Variants in RPS6KA2 observed in about 807,000 individuals in gnomAD.
The protein encoded by RPS6KA2 is ribosomal protein S6 kinase A2, also known as ribosomal protein S6 kinase alpha-2.
RPS6KA2 carries 42 observed loss-of-function variants against 91.8 expected under a neutral mutation model. The observed-to-expected ratio is 0.46, with a 90% CI of 0.36 to 0.59. RPS6KA2 has a LOEUF of 0.59. Among genes scored for constraint, RPS6KA2 ranks in the 20% least tolerant of loss-of-function variants. The pLI is 0.00. For missense variants in RPS6KA2, 798 were observed against 978.5 expected, an observed-to-expected ratio of 0.82 and a Z score of 2.46; for synonymous variants, 414 against 393.6, an observed-to-expected ratio of 1.05 and a Z score of -0.61.
At chr6:166,610,480 C>G (rs772738383) in intron 1 of RPS6KA2, among the ~76,000 whole-genome samples, 2 of 152,220 alleles carry the variant, frequency 1.3e-5, no homozygotes, top group Non-Finnish European at 2.9e-5. Context: ...ACCTATGCAA[C>G]TGGGTTACAC....
chr6:166,754,034 C>G (rs1403690367), intron 2 of RPS6KA2, among the ~76,000 whole-genome samples: 1 of 152,180 alleles, frequency 6.6e-6, no homozygotes, highest in Non-Finnish European at 1.5e-5. Context: ...GCCCCGAGCC[C>G]CAGCCACACA....
chr6:166,725,710 G>A (rs1790316564), intron 2 of RPS6KA2, among the ~76,000 whole-genome samples: 1 of 152,270 alleles, frequency 6.6e-6, no homozygotes, highest in Non-Finnish European at 1.5e-5. Flanking sequence ...TTCAGATGCT[G>A]GGGACGAGAG....
intron 2 of RPS6KA2, among the ~76,000 whole-genome samples, chr6:166,798,177 A>T (rs948714630): frequency 6.6e-6 from 1 of 152,202 alleles, no homozygotes; most frequent in African/African-American, 2.4e-5. Context: ...TAGCTATTGA[A>T]CAATGGAATT....
At chr6:166,658,002 G>T (rs1414311631) in intron 2 of RPS6KA2, among the ~76,000 whole-genome samples, 1 of 152,184 alleles carries the variant, frequency 6.6e-6, no homozygotes, top group Non-Finnish European at 1.5e-5. Context: ...TCATGGCTCA[G>T]CCTCCCAAGT....
chr6:166,758,302 G>T (rs530130035), intron 2 of RPS6KA2, among the ~76,000 whole-genome samples: 1 of 152,216 alleles, frequency 6.6e-6, no homozygotes, highest in Non-Finnish European at 1.5e-5. Flanking sequence ...ACACAGGCAC[G>T]TGCACATGCA....
rs529490748 is a variant in RPS6KA2 at position 166,495,900 on chromosome 6, A to G, written c.747+2608T>C. Among the ~76,000 whole-genome samples, 2 of 152,086 alleles carry G rather than the reference A, an allele frequency of 1.3e-5. No homozygotes were observed. The highest frequency in any genetic ancestry group is 2.9e-5 in the Non-Finnish European group (2 of 68,024). On this transcript the variant is annotated intron_variant, in intron 8 of 20. Transcript: ENST00000265678. This position sits in a 1 kb window ranked among gnomAD's most constrained non-coding sequence, Gnocchi z 4.4. The stretch of plus-strand genomic sequence containing the variant: ...CTGATGGTGGAAGGGGACCGGGGGG[A>G]GTTTGCTGGAGCAAGGCGAGCCCGA...
intron 2 of RPS6KA2, among the ~76,000 whole-genome samples, chr6:166,640,166 G>A (rs1421289049): frequency 6.6e-6 from 1 of 151,806 alleles, no homozygotes; most frequent in Non-Finnish European, 1.5e-5. Context: ...GAGTCAGCAG[G>A]AAAGAGGAAA....
chr6:166,846,986 A>T lies in RPS6KA2; in HGVS notation c.123+11214T>A, dbSNP rs191099995. Among the ~76,000 whole-genome samples the T allele has an allele frequency of 1.5e-3, 230 of 152,278 alleles. 10 individuals are homozygous for T. Among genetic ancestry groups the T allele is most frequent in the Admixed American group, 1.5e-3 (23 of 15,308 alleles). ...CTAGTAAAGAGGAAGTCAAACTGTC[A>T]CTGTTTGCTGACAATACCTAAAAAA... is the stretch of plus-strand genomic sequence containing the variant. On this transcript the variant is annotated intron_variant, in intron 2 of 21. Coordinates refer to the RPS6KA2 transcript ENST00000503859.
intron 8 of RPS6KA2, among the ~76,000 whole-genome samples, chr6:166,491,968 T>C (rs3817780): frequency 0.28 from 42,745 of 152,010 alleles, 6,657 homozygotes; most frequent in East Asian, 0.55. Context: ...GTATAGTGAG[T>C]GTATTTGTTG....
intron 2 of RPS6KA2, among the ~76,000 whole-genome samples, chr6:166,840,998 G>A (rs144647188): frequency 1.5e-3 from 233 of 151,944 alleles, no homozygotes; most frequent in African/African-American, 5.5e-3. Context: ...AAAGAAAGCT[G>A]AGGCTGGGTG....
At chr6:166,455,732 T>A (rs574906914) in intron 12 of RPS6KA2, among the ~76,000 whole-genome samples, 16 of 152,358 alleles carry the variant, frequency 1.1e-4, no homozygotes, top group African/African-American at 3.8e-4. Context: ...GAGGCGCTCC[T>A]GCTACACCCG....
chr6:166,622,333 C>T (rs1786672153), intron 1 of RPS6KA2, among the ~76,000 whole-genome samples: 1 of 152,040 alleles, frequency 6.6e-6, no homozygotes, highest in Non-Finnish European at 1.5e-5. Context: ...AGGAATTAAG[C>T]TTAATGTCTT....
intron 1 of RPS6KA2, among the ~76,000 whole-genome samples, chr6:166,555,366 T>C (rs572710980): frequency 4.5e-4 from 69 of 152,320 alleles, no homozygotes; most frequent in African/African-American, 1.6e-3. Context: ...AGCTTTTGTT[T>C]AAGGATCACT....
chr6:166,804,030 G>A (rs1048108449), intron 2 of RPS6KA2, among the ~76,000 whole-genome samples: 24 of 152,152 alleles, frequency 1.6e-4, no homozygotes, highest in African/African-American at 5.8e-4. Flanking sequence ...AAATTTCTGT[G>A]AGGTTTCTGA....
exon 1 of RPS6KA2, chr6:166,862,257 G>A (rs1781063953): frequency 6.2e-6 from 10 of 1,602,540 alleles, no homozygotes; most frequent in Non-Finnish European, 8.5e-6. Flanking sequence ...GGGACGGCCA[G>A]ACGGGATGTC....
chr6:166,613,680 G>T (rs368512404), intron 1 of RPS6KA2, among the ~76,000 whole-genome samples: 1 of 152,260 alleles, frequency 6.6e-6, no homozygotes, highest in East Asian at 1.9e-4. Context: ...CTAATTGCAC[G>T]CATCACCCAA....
At chr6:166,617,882 G>C (rs1332213507) in intron 1 of RPS6KA2, among the ~76,000 whole-genome samples, 1 of 152,226 alleles carries the variant, frequency 6.6e-6, no homozygotes, top group Non-Finnish European at 1.5e-5. Flanking sequence ...TTCTGCACAA[G>C]CTTCACCAGC....
At position 166,490,744 on chromosome 6, in the gene RPS6KA2, G is replaced by A; in HGVS notation, c.748-3C>T. ...AGGGACCCCGTGAGCATCTCAAACT[G>A]CAGAGCAACACAGAGCACAGTGAGT... On this transcript the variant is annotated splice_polypyrimidine_tract_variant and splice_region_variant and intron_variant, in intron 8 of 20. Transcript: ENST00000265678. The surrounding 1 kb of genome is among the most constrained non-coding windows in gnomAD (Gnocchi z 4.2). 1 of 1,611,034 alleles carries A rather than the reference G, an allele frequency of 6.2e-7. No homozygotes were observed. The highest frequency in any genetic ancestry group is 8.5e-7 in the Non-Finnish European group (1 of 1,178,012).
In RPS6KA2 at chr6:166,413,830, T is replaced by C; in HGVS notation, c.2040A>G (p.Pro680=). 2 of 1,614,218 alleles carry C rather than the reference T, an allele frequency of 1.2e-6. No homozygotes were observed. Among genetic ancestry groups the C allele is most frequent in the Non-Finnish European group, 8.5e-7 (1 of 1,180,022 alleles). The change falls in exon 20 of 21, where the codon CCA becomes CCG. Residue 680 remains proline, a synonymous_variant. Coordinates refer to ENST00000265678, the MANE Select transcript of RPS6KA2 (RefSeq NM_021135.6). ...GCACGTCCTGTCGGCTGAGCTGGTT[T>C]GGGGACAGGTACTCTCTGTTGACCA... ...PWVVNREYLS[P]NQLSRQDVHL...
Sources: allele counts gnomAD v4.1 joint callset (sites outside exome capture counted in the v4.1 genomes callset), GRCh38; gene constraint gnomAD v4.1.1; non-coding constraint Gnocchi (gnomAD v3.1); transcripts MANE v1.5; gene names NCBI Gene and HGNC (gene_info 2026-07-23, HGNC 2026-07-21).